The following DLGAP2 variants were observed in gnomAD, a reference collection of about 807,000 sequenced individuals.
The protein encoded by DLGAP2 is disks large-associated protein 2.
In DLGAP2, 26 loss-of-function variants were observed where a neutral mutation model predicts 100.3. The ratio of observed to expected loss-of-function variants is 0.26; its 90% CI spans 0.19 to 0.36. The LOEUF is 0.36. Ranked by LOEUF, DLGAP2 falls within the 10% of genes least tolerant of loss-of-function variation. The pLI, the probability that DLGAP2 is intolerant of heterozygous loss-of-function variation, is 1.00. For synonymous variants in DLGAP2, 886 were observed against 630.1 expected, an observed-to-expected ratio of 1.41 and a Z score of -6.08; for missense variants, 1,858 against 1,453.2, an observed-to-expected ratio of 1.28 and a Z score of -4.53.
chr8:1,542,171 T>G (rs1036479458), intron 4 of DLGAP2, among the ~76,000 whole-genome samples: 8 of 152,204 alleles, frequency 5.3e-5, no homozygotes, highest in African/African-American at 1.7e-4. Flanking sequence ...TTAAGTGAAG[T>G]GTGTCTATAT....
intron 6 of DLGAP2, among the ~76,000 whole-genome samples, chr8:1,610,278 C>G (rs1796952401): frequency 6.6e-6 from 1 of 152,160 alleles, no homozygotes; most frequent in African/African-American, 2.4e-5. Context: ...CAACCTGCTC[C>G]TGAATGACTA....
intron 1 of DLGAP2, among the ~76,000 whole-genome samples, chr8:836,398 G>A (rs559876786): frequency 1.3e-5 from 2 of 152,296 alleles, no homozygotes; most frequent in East Asian, 1.9e-4. Flanking sequence ...GGCCTTGTCC[G>A]GGAAGAGGCA....
intron 2 of DLGAP2, among the ~76,000 whole-genome samples, chr8:996,508 G>T (rs1489491958): frequency 6.6e-6 from 1 of 152,198 alleles, no homozygotes; most frequent in Non-Finnish European, 1.5e-5. Flanking sequence ...TCAGGTTTGT[G>T]CCTGTCGATG....
At chr8:1,372,829 A>T (rs947437701) in intron 3 of DLGAP2, among the ~76,000 whole-genome samples, 2 of 152,234 alleles carry the variant, frequency 1.3e-5, no homozygotes, top group African/African-American at 2.4e-5. Flanking sequence ...ATACAGCCAC[A>T]TCAAATTCAT....
intron 4 of DLGAP2, among the ~76,000 whole-genome samples, chr8:1,534,180 G>C (rs1203263006): frequency 6.6e-6 from 1 of 152,154 alleles, no homozygotes; most frequent in Admixed American, 6.5e-5. Context: ...AAATTAAGGA[G>C]CCCCTGATCT....
In DLGAP2 at chr8:1,433,738, C is replaced by CTTTTTTT. The variant is rs3052055; in HGVS notation, c.107-67616_107-67610dup. On this transcript the variant is annotated intron_variant, in intron 3 of 14. Transcript: ENST00000637795. ...AAATACACAGATGAGGCAAAACTGG[C>CTTTTTTT]TTTTTTTTTTTTTTTTTTGCTAGGA... Among the ~76,000 whole-genome samples, 45 of 124,188 alleles carry CTTTTTTT rather than the reference C, an allele frequency of 3.6e-4. 5 individuals carry two copies. Among genetic ancestry groups the CTTTTTTT allele is most frequent in the Non-Finnish European group, 3.9e-4 (24 of 61,982 alleles). The allele number at this position is 124,188 out of a possible 152,430, so 81.5% of individuals were successfully genotyped here.
intron 2 of DLGAP2, among the ~76,000 whole-genome samples, chr8:1,206,868 C>A (rs921712469): frequency 6.6e-6 from 1 of 152,184 alleles, no homozygotes; most frequent in Non-Finnish European, 1.5e-5. Context: ...TGTCAGCCTT[C>A]TCACGATCCA....
chr8:1,118,866 A>G (rs1770559288), intron 2 of DLGAP2, among the ~76,000 whole-genome samples: 1 of 152,234 alleles, frequency 6.6e-6, no homozygotes, highest in African/African-American at 2.4e-5. Flanking sequence ...TCGAAATGAC[A>G]CCAACACCTA....
intron 2 of DLGAP2, among the ~76,000 whole-genome samples, chr8:1,243,112 G>C (rs1457232222): frequency 6.6e-6 from 1 of 152,108 alleles, no homozygotes; most frequent in Non-Finnish European, 1.5e-5. Flanking sequence ...TTGAATATTT[G>C]TCCTTTGTGG....
intron 2 of DLGAP2, among the ~76,000 whole-genome samples, chr8:1,128,096 G>A (rs919038738): frequency 6.6e-6 from 1 of 152,088 alleles, no homozygotes; most frequent in Non-Finnish European, 1.5e-5. Context: ...ATGAGGACCT[G>A]CTCCCCGTGT....
intron 2 of DLGAP2, among the ~76,000 whole-genome samples, chr8:954,030 T>C (rs1166391812): frequency 1.3e-5 from 2 of 152,202 alleles, no homozygotes; most frequent in East Asian, 1.9e-4. Context: ...AGCAGCTAGC[T>C]CTCCCCTATG....
intron 3 of DLGAP2, among the ~76,000 whole-genome samples, chr8:1,260,594 A>G (rs1469517819): frequency 6.6e-6 from 1 of 151,444 alleles, no homozygotes; most frequent in African/African-American, 2.4e-5. Context: ...TGGCTCAGGG[A>G]TGGATATTGG....
At chr8:953,932 T>C (rs1163846044) in intron 2 of DLGAP2, among the ~76,000 whole-genome samples, 1 of 152,222 alleles carries the variant, frequency 6.6e-6, no homozygotes, top group Non-Finnish European at 1.5e-5. Flanking sequence ...ACAGACTCTT[T>C]TTAAACTGCA....
intron 3 of DLGAP2, among the ~76,000 whole-genome samples, chr8:1,374,967 C>T (rs1802353904): frequency 1.3e-5 from 2 of 151,542 alleles, no homozygotes; most frequent in Non-Finnish European, 2.9e-5. Context: ...TGGTCGATCT[C>T]AAGCCCAATA....
intron 2 of DLGAP2, among the ~76,000 whole-genome samples, chr8:1,087,362 A>G (rs534162165): frequency 6.6e-6 from 1 of 152,104 alleles, no homozygotes; most frequent in Admixed American, 6.5e-5. Flanking sequence ...AAGTCTTTTC[A>G]TTCTTTGCCT....
intron 4 of DLGAP2, among the ~76,000 whole-genome samples, chr8:1,538,783 A>C (rs921095523): frequency 6.6e-6 from 1 of 152,034 alleles, no homozygotes; most frequent in African/African-American, 2.4e-5. Context: ...AGAACTCCAG[A>C]GAGTCACGCC....
intron 6 of DLGAP2, among the ~76,000 whole-genome samples, chr8:1,566,342 G>A (rs1050633809): frequency 6.6e-6 from 1 of 152,036 alleles, no homozygotes; most frequent in Non-Finnish European, 1.5e-5. Context: ...GGGAGGAAAT[G>A]GACTAGCTTT....
intron 6 of DLGAP2, among the ~76,000 whole-genome samples, chr8:1,571,004 G>C (rs1202335142): frequency 1.4e-5 from 2 of 140,404 alleles, no homozygotes; most frequent in African/African-American, 5.3e-5. Context: ...GGAGAAGAGA[G>C]AGCGGTGAAC....
At chr8:968,651 T>G (rs531481214) in intron 2 of DLGAP2, among the ~76,000 whole-genome samples, 1 of 152,182 alleles carries the variant, frequency 6.6e-6, no homozygotes, top group South Asian at 2.1e-4. Context: ...TTATTTCCAC[T>G]CTGTTTAAGT....
Sources: gnomAD v4.1 joint callset for allele counts (sites outside exome capture counted in the v4.1 genomes callset) on GRCh38, gnomAD v4.1.1 for gene constraint, MANE v1.5 for transcripts, NCBI Gene and HGNC (gene_info 2026-07-23, HGNC 2026-07-21) for gene names.